Variants in ITGB2 observed in about 807,000 individuals in gnomAD.
ITGB2 encodes the protein integrin subunit beta 2, also known as integrin beta-2.
In ITGB2, 56 loss-of-function variants were observed where a neutral mutation model predicts 86.8. That is an observed-to-expected ratio of 0.65 (90% CI 0.52 to 0.81). The LOEUF (loss-of-function observed/expected upper bound fraction) is 0.81. ITGB2 is among the 30% of genes least tolerant of loss of function. ITGB2 has a pLI of 0.00. For missense variants in ITGB2, 948 were observed against 1,061.2 expected, an observed-to-expected ratio of 0.89 and a Z score of 1.48; for synonymous variants, 457 against 450.4, an observed-to-expected ratio of 1.01 and a Z score of -0.19.
At chr21:44,899,024 C>T (rs2083908598) in intron 8 of ITGB2, 43 bp downstream of exon 8, 5 of 1,491,982 alleles carry the variant, frequency 3.4e-6, no homozygotes, top group Admixed American at 1.7e-5. Context: ...GTGGCTGAAA[C>T]ATGCCCCCAC....
chr21:44,925,704 GA>G (rs1568915966), upstream of ITGB2, among the ~76,000 whole-genome samples: 1 of 152,168 alleles, frequency 6.6e-6, no homozygotes, highest in Non-Finnish European at 1.5e-5. Flanking sequence ...AAAACCTTGA[GA>G]ACTTGTAAGA....
intron 1 of ITGB2, among the ~76,000 whole-genome samples, chr21:44,912,584 G>A (rs2084149924): frequency 6.6e-6 from 1 of 152,212 alleles, no homozygotes; most frequent in Admixed American, 6.5e-5. Context: ...CCTGGAGGAG[G>A]TGGTTTTGGT....
At position 44,901,567 on chromosome 21, in the gene ITGB2, C is replaced by T. The variant is rs1027234778; in HGVS notation, c.666G>A (p.Gly222=). ...NNSNQFQTEV[G]KQLISGNLDA... ...CCAGGTTTCCGGAAATCAGCTGCTT[C>T]CCGACCTCGGTCTGAAACTGGTTGG... The change falls in exon 6 of 16, where the codon GGG becomes GGA. Residue 222 remains glycine, a synonymous_variant. Coordinates refer to ENST00000652462, the MANE Select transcript of ITGB2 (RefSeq NM_000211.5). The T allele has an allele frequency of 1.2e-6, 2 of 1,614,276 alleles. No homozygotes were observed. The highest frequency in any genetic ancestry group is 2.7e-5 in the African/African-American group (2 of 75,066).
intron 11 of ITGB2, 50 bp from the exon 12 acceptor site, chr21:44,890,272 C>G (rs374603814): frequency 3.9e-5 from 62 of 1,609,398 alleles, no homozygotes; most frequent in Admixed American, 1.0e-4. Context: ...TGATGTGGGA[C>G]AAGGGACAGC....
At chr21:44,891,616 G>A (rs531111248) in intron 11 of ITGB2, among the ~76,000 whole-genome samples, 193 bp downstream of exon 11, 8 of 152,286 alleles carry the variant, frequency 5.3e-5, no homozygotes, top group Non-Finnish European at 8.8e-5. Flanking sequence ...TCAGGAGCAC[G>A]GGTGAGGGCT....
At position 44,900,368 on chromosome 21, in the gene ITGB2, G is replaced by A. The variant is rs35013643; in HGVS notation, c.849C>T (p.Asp283=). 4.1e-4 allele frequency: 665 copies of A among 1,614,196 alleles called. 7 individuals are homozygous for A. The East Asian group carries it at 0.013, about 32-fold the overall frequency. Residue 283 remains aspartate (D), a synonymous_variant, in exon 7 of 16, where the codon GAC becomes GAT. Coordinates refer to ENST00000652462, the MANE Select transcript of ITGB2 (RefSeq NM_000211.5). The stretch of plus-strand genomic sequence containing the variant: ...AGTTGTCCTCCAGGTGACAGCGGCC[G>A]TCGTTGGGGGTCAGGATGGCGCCCA... The part of the protein sequence containing the change: ...GKLGAILTPN[D]GRCHLEDNLY...
intron 1 of ITGB2, among the ~76,000 whole-genome samples, chr21:44,915,312 C>T (rs1439290590): frequency 1.3e-5 from 2 of 152,192 alleles, no homozygotes; most frequent in Admixed American, 6.5e-5. Context: ...GCGTGAGCCA[C>T]CGTGCCCAGT....
intron 10 of ITGB2, among the ~76,000 whole-genome samples, chr21:44,892,251 C>T (rs569894267): frequency 1.4e-4 from 21 of 152,362 alleles, no homozygotes; most frequent in Admixed American, 3.3e-4. Flanking sequence ...ACATGTGACA[C>T]GCAGACAGCA....
At chr21:44,916,871 G>GAAA (rs11404188) in intron 1 of ITGB2, among the ~76,000 whole-genome samples, 1 of 69,022 alleles carries the variant, frequency 1.4e-5, no homozygotes, top group South Asian at 3.8e-4. Flanking sequence ...TGTCTCAAAA[G>GAAA]AAAAAAAAAA....
Position 44,899,097 on chromosome 21 carries a change from C to T in ITGB2, c.963G>A (p.Ala321=), listed in dbSNP as rs144862744. Residue 321 remains alanine, a synonymous_variant, in exon 8 of 16, where the codon GCG becomes GCA. Transcript: ENST00000652462. ...LAENNIQPIF[A]VTSRMVKTYE... ...AGGTCTTCACCATCCTACTGGTCAC[C>T]GCGAAGATGGGCTGGATGTTGTTTT... 5.2e-5 allele frequency: 84 copies of T among 1,614,160 alleles called. No homozygotes were observed. The African/African-American group carries it at 6.7e-4, about 13-fold the overall frequency.
chr21:44,894,297 C>T (rs2083831830), intron 9 of ITGB2: 1 of 162,876 alleles, frequency 6.1e-6, no homozygotes, highest in African/African-American at 2.4e-5. Context: ...TGCTGAGCTC[C>T]CTCAAGCCAG....
chr21:44,900,062 C>T (rs1280713156), intron 7 of ITGB2, among the ~76,000 whole-genome samples: 1 of 152,202 alleles, frequency 6.6e-6, no homozygotes, highest in Non-Finnish European at 1.5e-5. Context: ...GGCAGTGGGG[C>T]TGGAGACCAA....
intron 1 of ITGB2, among the ~76,000 whole-genome samples, chr21:44,916,594 A>T (rs7277900): frequency 6.6e-6 from 1 of 152,142 alleles, no homozygotes; most frequent in East Asian, 1.9e-4. Flanking sequence ...GAGGCCGGGC[A>T]TGGTGGCTCA....
At chr21:44,908,152 T>C (rs1296071870) in intron 3 of ITGB2, 2 of 744,922 alleles carry the variant, frequency 2.7e-6, no homozygotes, top group African/African-American at 3.4e-5. Flanking sequence ...CTCGCCGCGG[T>C]GGCGTGGGCT....
chr21:44,925,078 G>C (rs1282984419), upstream of ITGB2, among the ~76,000 whole-genome samples: 1 of 151,826 alleles, frequency 6.6e-6, no homozygotes, highest in African/African-American at 2.4e-5. Context: ...AGAGGTAGCT[G>C]TTTGGGGATT....
chr21:44,892,760 A>G (rs1176457001), intron 10 of ITGB2, among the ~76,000 whole-genome samples: 1 of 151,788 alleles, frequency 6.6e-6, no homozygotes, highest in East Asian at 1.9e-4. Flanking sequence ...AACAAAAAAC[A>G]AAAAGAAACA....
chr21:44,908,121 C>T (rs113986530), intron 3 of ITGB2: 61 of 729,760 alleles, frequency 8.4e-5, no homozygotes, highest in African/African-American at 4.1e-4. Context: ...GGGAGCCACC[C>T]GGCTTCTCCT....
At chr21:44,896,130 C>G (rs1042166695) in intron 8 of ITGB2, among the ~76,000 whole-genome samples, 31 of 152,102 alleles carry the variant, frequency 2.0e-4, no homozygotes, top group African/African-American at 7.5e-4. Flanking sequence ...TGTGAGTACT[C>G]CTGCCTGTGG....
chr21:44,926,874 G>A (rs1601348901), intron 1 of ITGB2: 1 of 152,282 alleles, frequency 6.6e-6, no homozygotes, highest in Non-Finnish European at 1.5e-5. Flanking sequence ...GCAGACCTGC[G>A]TGCTCTGAGG....
Sources: allele counts gnomAD v4.1 joint callset (sites outside exome capture counted in the v4.1 genomes callset), GRCh38; gene constraint gnomAD v4.1.1; transcripts MANE v1.5; gene names NCBI Gene and HGNC (gene_info 2026-07-23, HGNC 2026-07-21).